Variants in LNX2 observed in about 807,000 individuals in gnomAD.
LNX2 encodes the protein ligand of numb-protein X 2.
LNX2 carries 35 observed loss-of-function variants against 66.2 expected under a neutral mutation model. The observed-to-expected ratio is 0.53, with a 90% CI of 0.40 to 0.70. The LOEUF (loss-of-function observed/expected upper bound fraction) is 0.70. LNX2 is among the 30% of genes least tolerant of loss of function. The pLI is 0.00. For synonymous variants in LNX2, 337 were observed against 315.6 expected (o/e 1.07, Z -0.72); for missense variants, 791 against 850.8 (o/e 0.93, Z 0.87).
At chr13:27,610,606 G>C (rs1454318423) in intron 1 of LNX2, among the ~76,000 whole-genome samples, 2 of 152,096 alleles carry the variant, frequency 1.3e-5, no homozygotes, top group African/African-American at 4.8e-5. Flanking sequence ...GGATTTCTTG[G>C]ATATGACACT....
intron 7 of LNX2, among the ~76,000 whole-genome samples, chr13:27,555,793 G>A (rs945605411): frequency 2.6e-5 from 4 of 152,166 alleles, no homozygotes; most frequent in African/African-American, 7.2e-5. Flanking sequence ...CCCCATCTAT[G>A]CAAATTATAT....
chr13:27,584,068 TA>T (rs745742308), intron 1 of LNX2, among the ~76,000 whole-genome samples: 2 of 152,166 alleles, frequency 1.3e-5, no homozygotes, highest in African/African-American at 2.4e-5. Context: ...ATGAAGCAGG[TA>T]AAACTGTGCA....
intron 1 of LNX2, among the ~76,000 whole-genome samples, chr13:27,620,048 G>A (rs779412768): frequency 2.6e-5 from 4 of 152,108 alleles, no homozygotes; most frequent in Non-Finnish European, 5.9e-5. Flanking sequence ...AGAAGCAAAC[G>A]ACGCCAAGCT....
In LNX2 at chr13:27,583,218, G is replaced by A. The variant is rs1347280058; in HGVS notation, c.-100-1415C>T. 7.0e-4 allele frequency among the ~76,000 whole-genome samples: 13 copies of A among 18,488 alleles called. 3 individuals carry two copies. In the African/African-American group the frequency reaches 7.6e-3, roughly 11 times the overall value. The allele number at this position is 18,488 out of a possible 152,430, so 12.1% of individuals were successfully genotyped here. A position where few individuals can be genotyped will look rare whatever the true frequency, so the allele number is the denominator to read the frequency against. The stretch of plus-strand genomic sequence containing the variant: ...TGTGTGTGTGTGTGTGTGTGTGTGT[G>A]TGTGTGTGTGTGTGTGTGTGTGTGT... On this transcript the variant is annotated intron_variant, in intron 1 of 9. Transcript: ENST00000316334.
intron 1 of LNX2, among the ~76,000 whole-genome samples, chr13:27,603,094 T>C (rs916644623): frequency 2.6e-5 from 4 of 152,194 alleles, no homozygotes; most frequent in African/African-American, 9.7e-5. Context: ...AATATTAGCA[T>C]TGTTGCTTAG....
At chr13:27,613,781 T>TA (rs1297873477) in intron 1 of LNX2, among the ~76,000 whole-genome samples, 2 of 151,704 alleles carry the variant, frequency 1.3e-5, no homozygotes, top group African/African-American at 4.8e-5. Flanking sequence ...AAAATAAAAA[T>TA]AAAAAAATAA....
At chr13:27,596,282 AT>A (rs1276026916) in intron 1 of LNX2, among the ~76,000 whole-genome samples, 1 of 152,204 alleles carries the variant, frequency 6.6e-6, no homozygotes, top group Non-Finnish European at 1.5e-5. Flanking sequence ...CATAAAACAT[AT>A]AAAAACTATA....
At position 27,559,947 on chromosome 13, in the gene LNX2, T is replaced by C. The variant is rs771078915; in HGVS notation, c.1263A>G (p.Pro421=). 4.3e-6 allele frequency: 7 copies of C among 1,610,984 alleles called. No homozygotes were observed. The highest frequency in any genetic ancestry group is 1.1e-5 in the South Asian group (1 of 90,816). Residue 421 remains proline, a synonymous_variant, in exon 6 of 10, where the codon CCA becomes CCG. Coordinates refer to ENST00000316334, the MANE Select transcript of LNX2 (RefSeq NM_153371.4). ...TGGTGTTACCAGGCTGGGGTTTCCCTGGTCTAGCAATTGTTAAATTCACTC... is the reference window on the plus strand; with the variant it reads ...TGGTGTTACCAGGCTGGGGTTTCCCCGGTCTAGCAATTGTTAAATTCACTC... ...GERVNLTIAR[P]GKPQPGNTIR... is the part of the protein sequence containing the mutation.
At chr13:27,583,249 T>TGCGCGCGC (rs1566124848) in intron 1 of LNX2, among the ~76,000 whole-genome samples, 12 of 46,770 alleles carry the variant, frequency 2.6e-4, no homozygotes, top group South Asian at 8.3e-4. Context: ...TGTGTGTGTG[T>TGCGCGCGC]GTGTGTGCGC....
At chr13:27,594,462 G>C (rs1955575450) in intron 1 of LNX2, among the ~76,000 whole-genome samples, 1 of 152,030 alleles carries the variant, frequency 6.6e-6, no homozygotes, top group African/African-American at 2.4e-5. Flanking sequence ...TTTTCCCTTT[G>C]AGAGTTCTTC....
chr13:27,550,842 A>C (rs916872385), intron 8 of LNX2, among the ~76,000 whole-genome samples: 2 of 152,210 alleles, frequency 1.3e-5, no homozygotes, highest in Non-Finnish European at 2.9e-5. Flanking sequence ...AATTCTACTA[A>C]TCACTTTTAT....
intron 1 of LNX2, among the ~76,000 whole-genome samples, chr13:27,582,346 T>TA (rs112759691): frequency 2.4e-3 from 363 of 151,312 alleles, no homozygotes; most frequent in African/African-American, 8.3e-3. Flanking sequence ...AAGTTCTTGA[T>TA]AAAAAAACAA....
intron 1 of LNX2, among the ~76,000 whole-genome samples, chr13:27,614,955 A>G (rs1955811023): frequency 6.6e-6 from 1 of 152,112 alleles, no homozygotes; most frequent in Non-Finnish European, 1.5e-5. Context: ...CTATTCTCTT[A>G]TTCAACACAA....
chr13:27,583,169 A>AGTGTGTGTGTGTGTGT (rs763165039), intron 1 of LNX2, among the ~76,000 whole-genome samples: 2 of 44,112 alleles, frequency 4.5e-5, no homozygotes, highest in African/African-American at 1.3e-4. Context: ...TCAGAGCAGC[A>AGTGTGTGTGTGTGTGT]GTGTGTGTGT....
Position 27,569,063 on chromosome 13 carries a change from G to A in LNX2, c.621C>T (p.Asp207=). The part of the protein sequence containing the change: ...LSTWSEEPGL[D]NPAFEESAGA... Reference sequence around the variant, plus strand: ...CAGCGCTCTCCTCAAAGGCAGGGTTGTCAAGGCCAGGCTCCTCACTCCATG... The same window carrying A: ...CAGCGCTCTCCTCAAAGGCAGGGTTATCAAGGCCAGGCTCCTCACTCCATG... The change falls in exon 3 of 10, where the codon GAC becomes GAT. Residue 207 remains aspartate, a synonymous_variant. Transcript: ENST00000316334. 6.2e-7 allele frequency: 1 copy of A among 1,613,840 alleles called. No individual in the cohort carries two copies. Among genetic ancestry groups the A allele is most frequent in the South Asian group, 1.1e-5 (1 of 91,062 alleles).
intron 6 of LNX2, among the ~76,000 whole-genome samples, chr13:27,558,956 A>G (rs985146072): frequency 2.0e-5 from 3 of 152,162 alleles, no homozygotes; most frequent in Non-Finnish European, 4.4e-5. Flanking sequence ...GTGACAATAA[A>G]TAAGTTTTTG....
At chr13:27,582,817 C>T (rs1046922015) in intron 1 of LNX2, among the ~76,000 whole-genome samples, 2 of 152,006 alleles carry the variant, frequency 1.3e-5, no homozygotes, top group Admixed American at 1.3e-4. Flanking sequence ...GTGCAGCAAA[C>T]CACCATGGCA....
rs367861685 is a variant in LNX2, at chr13:27,553,400, T to C, written c.1586A>G (p.Asn529Ser). ...TGCAACTGCCTCACTGTGACTTAAA[T>C]TGGTCAAATCAATGCCGTTGATATT... is the stretch of plus-strand genomic sequence containing the variant. ...LLNINGIDLT[N>S]LSHSEAVAML... Residue 529 changes from asparagine (N) to serine (S), a missense_variant, in exon 8 of 10, where the codon AAT (asparagine) becomes AGT (serine). By Grantham distance (46) the Asn-to-Ser change is conservative. Coordinates refer to ENST00000316334, the MANE Select transcript of LNX2 (RefSeq NM_153371.4). 31 of 1,614,134 alleles carry C rather than the reference T, an allele frequency of 1.9e-5. No homozygotes were observed. In the African/African-American group the frequency reaches 2.5e-4, roughly 13 times the overall value.
chr13:27,618,716 T>A (rs562535205), intron 1 of LNX2, among the ~76,000 whole-genome samples: 1 of 152,236 alleles, frequency 6.6e-6, no homozygotes, highest in Non-Finnish European at 1.5e-5. Context: ...GAATAATACA[T>A]GTCCCTGACT....
Sources: allele counts gnomAD v4.1 joint callset (sites outside exome capture counted in the v4.1 genomes callset), GRCh38; gene constraint gnomAD v4.1.1; transcripts MANE v1.5; gene names NCBI Gene and HGNC (gene_info 2026-07-23, HGNC 2026-07-21).